SPATA16: variants seen among roughly 807,000 people sequenced by gnomAD.
The protein encoded by SPATA16 is spermatogenesis-associated protein 16.
In SPATA16, 36 loss-of-function variants were observed where a neutral mutation model predicts 63.3. The observed-to-expected ratio is 0.57, with a 90% CI of 0.44 to 0.75. The LOEUF (loss-of-function observed/expected upper bound fraction) is 0.75, where lower values mean the gene tolerates loss of function less well. SPATA16 is among the 30% of genes least tolerant of loss of function. The pLI is 0.00. For missense variants in SPATA16, 646 were observed against 679.3 expected (o/e 0.95, Z 0.54); for synonymous variants, 203 against 216.7 (o/e 0.94, Z 0.56).
intron 5 of SPATA16, among the ~76,000 whole-genome samples, chr3:172,974,398 A>T (rs373750218): frequency 6.6e-6 from 1 of 152,206 alleles, no homozygotes; most frequent in African/African-American, 2.4e-5. Flanking sequence ...GTTTGGGGAC[A>T]TTCTTGAAGT....
chr3:172,938,563 C>T, intron 6 of SPATA16, among the ~76,000 whole-genome samples: 1 of 152,192 alleles, frequency 6.6e-6, no homozygotes, highest in Admixed American at 6.5e-5. Context: ...AATGTTAAGA[C>T]AGAGCAGAGA....
At position 172,951,710 on chromosome 3, in the gene SPATA16, C is replaced by T. The variant is rs142416227; in HGVS notation, c.1081+4967G>A. On this transcript the variant is annotated intron_variant, in intron 6 of 10. Coordinates refer to ENST00000351008, the MANE Select transcript of SPATA16 (RefSeq NM_031955.6). ...GCCAGCTTGTGCTGGGCTCATGGCA[C>T]TGTCACGTGACCAGGGAGCAATAAA... is the stretch of plus-strand genomic sequence containing the variant. Among the ~76,000 whole-genome samples the T allele has an allele frequency of 1.6e-3, 245 of 152,252 alleles. No homozygotes were observed. The East Asian group carries it at 0.019, about 12-fold the overall frequency.
intron 3 of SPATA16, among the ~76,000 whole-genome samples, chr3:173,045,905 A>G (rs1164570183): frequency 1.3e-5 from 2 of 152,144 alleles, no homozygotes; most frequent in Non-Finnish European, 2.9e-5. Context: ...TACTACCATT[A>G]TAAAATCATT....
rs1274746372 is a variant in SPATA16, at chr3:172,889,491, A to C, written c.*79T>G. The C allele has an allele frequency of 3.1e-6, 5 of 1,597,498 alleles. No homozygotes were observed. The highest frequency in any genetic ancestry group is 4.3e-6 in the Non-Finnish European group (5 of 1,168,794). Reference sequence around the variant, plus strand: ...ACAAGCTTTTGTTATCCAGCTTCACAGTACTAGGTGGGCATTGGAGTGGAT... The same window carrying C: ...ACAAGCTTTTGTTATCCAGCTTCACCGTACTAGGTGGGCATTGGAGTGGAT... On this transcript the variant is annotated 3_prime_UTR_variant, in exon 11 of 11. Coordinates refer to ENST00000351008, the MANE Select transcript of SPATA16 (RefSeq NM_031955.6).
chr3:173,058,102 T>C (rs1226795151), intron 2 of SPATA16, among the ~76,000 whole-genome samples: 1 of 152,182 alleles, frequency 6.6e-6, no homozygotes, highest in East Asian at 1.9e-4. Context: ...ACTAAATCTA[T>C]ATGAATTTCT....
Position 172,977,130 on chromosome 3 carries a change from A to G in SPATA16, c.849-78T>C, listed in dbSNP as rs149752938. 1.7e-5 allele frequency: 19 copies of G among 1,089,926 alleles called. No homozygotes were observed. In the African/African-American group the frequency reaches 2.5e-4, roughly 14 times the overall value. 67.5% of individuals were successfully genotyped at this position (1,089,926 alleles called of 1,614,324 possible). A position where few individuals can be genotyped will look rare whatever the true frequency, so the allele number is the denominator to read the frequency against. On this transcript the variant is annotated intron_variant, in intron 4 of 10. Coordinates refer to ENST00000351008, the MANE Select transcript of SPATA16 (RefSeq NM_031955.6). ...AGGAAAACCATAACAGGCACTATAT[A>G]CAAATACTGAGGAAGATGATTTTTA...
At position 172,901,665 on chromosome 3, in the gene SPATA16, C is replaced by T. The variant is rs1317259045; in HGVS notation, c.1588-11973G>A. Reference sequence around the variant, plus strand: ...TGAGGGAACTGCCTTGTTACTTCCACGTGGAAACAGAGGTTCAGGTTCCCA... The same window carrying T: ...TGAGGGAACTGCCTTGTTACTTCCATGTGGAAACAGAGGTTCAGGTTCCCA... On this transcript the variant is annotated intron_variant, in intron 10 of 10. Coordinates refer to ENST00000351008, the MANE Select transcript of SPATA16 (RefSeq NM_031955.6). Among the ~76,000 whole-genome samples the T allele has an allele frequency of 2.6e-5, 4 of 152,112 alleles. No homozygotes were observed. In the South Asian group the frequency reaches 6.2e-4, roughly 24 times the overall value.
chr3:173,083,833 G>A (rs577980366), intron 2 of SPATA16, among the ~76,000 whole-genome samples: 19 of 152,130 alleles, frequency 1.2e-4, no homozygotes, highest in African/African-American at 4.6e-4. Context: ...TCCTTTTTAC[G>A]ACTGCATAGT....
chr3:173,052,745 T>G (rs1436531779), intron 2 of SPATA16, among the ~76,000 whole-genome samples: 1 of 152,234 alleles, frequency 6.6e-6, no homozygotes, highest in African/African-American at 2.4e-5. Flanking sequence ...GGTGTGAATT[T>G]GTTTAAATCT....
At chr3:172,955,596 C>T (rs1039328448) in intron 6 of SPATA16, among the ~76,000 whole-genome samples, 1 of 152,036 alleles carries the variant, frequency 6.6e-6, no homozygotes, top group Non-Finnish European at 1.5e-5. Context: ...ATTTACTATT[C>T]TGTTATCACT....
chr3:173,043,962 C>G (rs1577145970), intron 3 of SPATA16, among the ~76,000 whole-genome samples: 1 of 152,062 alleles, frequency 6.6e-6, no homozygotes, highest in African/African-American at 2.4e-5. Context: ...TTAAGAGTTA[C>G]CAGTGATTTG....
At chr3:172,983,706 G>A (rs576118208) in intron 4 of SPATA16, among the ~76,000 whole-genome samples, 29 of 151,896 alleles carry the variant, frequency 1.9e-4, no homozygotes, top group Middle Eastern at 6.8e-3. Flanking sequence ...ATGGGGAGAA[G>A]AGTGGAACTA....
In SPATA16 at chr3:172,945,655, G is replaced by A. The variant is rs571002511; in HGVS notation, c.1081+11022C>T. Among the ~76,000 whole-genome samples, 127 of 152,254 alleles carry A rather than the reference G, an allele frequency of 8.3e-4. 6 individuals are homozygous for A. In the South Asian group the frequency reaches 0.026, roughly 31 times the overall value. On this transcript the variant is annotated intron_variant, in intron 6 of 10. Transcript: ENST00000351008. ...TGTCACAATGGAAAGCAACATGGGGGCAGAACCCAGTCAGCACCCATGGAG... is the reference window on the plus strand; with the variant it reads ...TGTCACAATGGAAAGCAACATGGGGACAGAACCCAGTCAGCACCCATGGAG...
At chr3:173,071,649 G>T (rs1736676438) in intron 2 of SPATA16, among the ~76,000 whole-genome samples, 1 of 152,128 alleles carries the variant, frequency 6.6e-6, no homozygotes, top group South Asian at 2.1e-4. Flanking sequence ...ATGGGCAAAA[G>T]ATCTGAGACA....
At chr3:173,050,770 T>G (rs1285000798) in intron 2 of SPATA16, among the ~76,000 whole-genome samples, 1 of 152,142 alleles carries the variant, frequency 6.6e-6, no homozygotes, top group East Asian at 1.9e-4. Flanking sequence ...CTCAATAATT[T>G]TGAAAAAAAT....
At chr3:173,038,979 G>GT (rs1343749394) in intron 3 of SPATA16, among the ~76,000 whole-genome samples, 1 of 152,134 alleles carries the variant, frequency 6.6e-6, no homozygotes, top group East Asian at 1.9e-4. Context: ...CTAGCCAGCA[G>GT]TTTTGCAAGG....
intron 10 of SPATA16, among the ~76,000 whole-genome samples, chr3:172,904,029 C>T (rs771928657): frequency 1.8e-4 from 27 of 152,074 alleles, no homozygotes; most frequent in Non-Finnish European, 3.2e-4. Context: ...AGCCTTTGAC[C>T]CAAACAAATC....
intron 4 of SPATA16, among the ~76,000 whole-genome samples, chr3:172,993,616 T>A (rs1265605534): frequency 6.6e-6 from 1 of 152,176 alleles, no homozygotes; most frequent in Non-Finnish European, 1.5e-5. Context: ...ATTATAATCT[T>A]CCTGTGGCAT....
At chr3:172,942,406 A>G (rs1733173821) in intron 6 of SPATA16, among the ~76,000 whole-genome samples, 1 of 152,188 alleles carries the variant, frequency 6.6e-6, no homozygotes, top group Non-Finnish European at 1.5e-5. Flanking sequence ...TCAGAATAAA[A>G]CTAGTGAATT....
Sources: allele counts gnomAD v4.1 joint callset (sites outside exome capture counted in the v4.1 genomes callset), GRCh38; gene constraint gnomAD v4.1.1; transcripts MANE v1.5; gene names NCBI Gene and HGNC (gene_info 2026-07-23, HGNC 2026-07-21).